Variants in NFIA observed in about 807,000 individuals in gnomAD.
NFIA encodes the protein nuclear factor I A, also known as nuclear factor 1 A-type.
NFIA carries 8 observed loss-of-function variants against 62.8 expected under a neutral mutation model. That is an observed-to-expected ratio of 0.13 (90% CI 0.07 to 0.23). NFIA has a LOEUF of 0.23. NFIA is among the 10% of genes least tolerant of loss of function. The pLI is 1.00. For synonymous variants in NFIA, 235 were observed against 238.1 expected, an observed-to-expected ratio of 0.99 and a Z score of 0.12; for missense variants, 410 against 642.1, an observed-to-expected ratio of 0.64 and a Z score of 3.91.
chr1:61,235,548 G>A (rs1376808284), intron 2 of NFIA, among the ~76,000 whole-genome samples: 1 of 150,896 alleles, frequency 6.6e-6, no homozygotes, highest in African/African-American at 2.4e-5. Flanking sequence ...GGGTTTGGTG[G>A]CCCATGCCTG....
chr1:61,336,825 C>G (rs1661635108), intron 4 of NFIA, among the ~76,000 whole-genome samples: 3 of 152,146 alleles, frequency 2.0e-5, no homozygotes, highest in Non-Finnish European at 4.4e-5. Flanking sequence ...ATCCAGTCCC[C>G]TGCAATTATA....
intron 3 of NFIA, among the ~76,000 whole-genome samples, chr1:61,316,571 A>T (rs779504290): frequency 1.6e-4 from 25 of 152,168 alleles, no homozygotes; most frequent in Non-Finnish European, 3.4e-4. Context: ...AGTTCTAAAC[A>T]CTGGAACTGA....
chr1:61,189,146 C>T (rs1433389015), intron 2 of NFIA, among the ~76,000 whole-genome samples: 2 of 152,076 alleles, frequency 1.3e-5, no homozygotes, highest in Non-Finnish European at 2.9e-5. Flanking sequence ...TTCTGTGGCC[C>T]AGAGAAAGCA....
At chr1:61,131,615 A>G (rs1297813547) in intron 2 of NFIA, among the ~76,000 whole-genome samples, 1 of 152,090 alleles carries the variant, frequency 6.6e-6, no homozygotes, top group Non-Finnish European at 1.5e-5. Context: ...TTAATATTTT[A>G]TCACTAAATG....
intron 2 of NFIA, among the ~76,000 whole-genome samples, chr1:61,119,984 A>C (rs958263058): frequency 2.0e-5 from 3 of 152,192 alleles, no homozygotes; most frequent in South Asian, 2.1e-4. Context: ...CATTACCTGC[A>C]TGTAGGTTAT....
intron 10 of NFIA, among the ~76,000 whole-genome samples, chr1:61,431,981 G>T (rs1018986973): frequency 6.6e-6 from 1 of 152,158 alleles, no homozygotes; most frequent in Non-Finnish European, 1.5e-5. Context: ...AACTCTCCTC[G>T]AGTTGTTCAA....
intron 4 of NFIA, among the ~76,000 whole-genome samples, chr1:61,351,635 A>G (rs1206978873): frequency 6.6e-6 from 1 of 152,236 alleles, no homozygotes; most frequent in Non-Finnish European, 1.5e-5. Flanking sequence ...TCAAAAAGGT[A>G]TCTAAAGATT....
chr1:61,387,233 G>C (rs1327444885), intron 7 of NFIA, among the ~76,000 whole-genome samples: 2 of 152,014 alleles, frequency 1.3e-5, no homozygotes, highest in Non-Finnish European at 2.9e-5. Context: ...TGAACCAAAG[G>C]TTTCTCATCT....
chr1:61,318,016 A>G (rs1485479811), intron 3 of NFIA, among the ~76,000 whole-genome samples: 2 of 152,156 alleles, frequency 1.3e-5, no homozygotes, highest in Non-Finnish European at 2.9e-5. Flanking sequence ...TAAATAAATA[A>G]TATCTTGGAA....
intron 3 of NFIA, among the ~76,000 whole-genome samples, chr1:61,311,410 C>CA (rs5774552): frequency 0.58 from 87,812 of 151,618 alleles, 26,019 homozygotes; most frequent in South Asian, 0.7. Flanking sequence ...AAAAAACAAA[C>CA]AAAAAAAACA....
At chr1:61,077,692 T>C, upstream of NFIA, 1 of 1,293,602 alleles carries the variant, frequency 7.7e-7, no homozygotes, top group Non-Finnish European at 1.0e-6. Context: ...TAAACAATGG[T>C]AGAATGATTT....
intron 9 of NFIA, 49 bp from the exon 10 acceptor site, chr1:61,426,416 G>C: frequency 8.0e-7 from 1 of 1,248,426 alleles, no homozygotes; most frequent in Non-Finnish European, 1.1e-6. Context: ...TTGTTTGTGT[G>C]TGCAATCTCG....
chr1:61,124,133 G>C (rs1363096488), intron 2 of NFIA, among the ~76,000 whole-genome samples: 1 of 152,210 alleles, frequency 6.6e-6, no homozygotes, highest in Non-Finnish European at 1.5e-5. Flanking sequence ...AGAGGAGAGA[G>C]AGGACTGCTG....
At chr1:61,393,124 A>T (rs1665067771) in intron 7 of NFIA, among the ~76,000 whole-genome samples, 1 of 151,004 alleles carries the variant, frequency 6.6e-6, no homozygotes, top group African/African-American at 2.5e-5. Flanking sequence ...AGCTTAACCT[A>T]AGTTGATTCC....
At chr1:61,336,874 GT>G (rs1165360670) in intron 4 of NFIA, among the ~76,000 whole-genome samples, 5 of 152,090 alleles carry the variant, frequency 3.3e-5, no homozygotes, top group Admixed American at 1.3e-4. Context: ...AAATTTCACA[GT>G]CATCATTAAT....
At chr1:61,277,155 A>G (rs1420863291) in intron 2 of NFIA, among the ~76,000 whole-genome samples, 2 of 152,228 alleles carry the variant, frequency 1.3e-5, no homozygotes, top group Non-Finnish European at 2.9e-5. Context: ...ATCAAGCTTC[A>G]GATGTGTGTA....
At chr1:61,440,491 T>C (rs1667524428) in intron 10 of NFIA, among the ~76,000 whole-genome samples, 2 of 152,224 alleles carry the variant, frequency 1.3e-5, no homozygotes, top group South Asian at 4.1e-4. Context: ...GGCTATTTTA[T>C]GGATAACAGT....
Position 61,445,223 on chromosome 1 carries a change from A to T in NFIA, c.1513-10080A>T, listed in dbSNP as rs1667755185. 1.3e-5 allele frequency among the ~76,000 whole-genome samples: 2 copies of T among 152,192 alleles called. 1 individual carries two copies. Among genetic ancestry groups the T allele is most frequent in the South Asian group, 4.1e-4 (2 of 4,826 alleles). The stretch of plus-strand genomic sequence containing the variant: ...GACAGGGAAGCCAAGCAGCTCTGCC[A>T]ATCACGTATGCTATGTACATGTCCA... On this transcript the variant is annotated intron_variant, in intron 10 of 10. Transcript: ENST00000403491.
chr1:61,179,209 T>A (rs1228229620), intron 2 of NFIA, among the ~76,000 whole-genome samples: 1 of 152,208 alleles, frequency 6.6e-6, no homozygotes, highest in Non-Finnish European at 1.5e-5. Context: ...TTACATTTGC[T>A]TTTGAAGCCA....
Sources: gnomAD v4.1 joint callset for allele counts (sites outside exome capture counted in the v4.1 genomes callset) on GRCh38, gnomAD v4.1.1 for gene constraint, MANE v1.5 for transcripts, NCBI Gene and HGNC (gene_info 2026-07-23, HGNC 2026-07-21) for gene names.